NEBL: variants seen among roughly 807,000 people sequenced by gnomAD.
NEBL encodes LIM and SH3 protein 2.
A neutral mutation model predicts 140.2 loss-of-function variants in NEBL; 122 were observed. That is an observed-to-expected ratio of 0.87 (90% CI 0.75 to 1.01). NEBL has a LOEUF of 1.01. Among genes scored for constraint, NEBL ranks in the 50% least tolerant of loss-of-function variants. The probability of loss-of-function intolerance (pLI) is 0.00; values close to 1 mark genes in which losing one functional copy is unlikely to be tolerated. For missense variants in NEBL, 1,365 were observed against 1,231.3 expected (o/e 1.11, Z -1.62); for synonymous variants, 436 against 398.9 (o/e 1.09, Z -1.11).
At chr10:21,005,054 G>A (rs115833259) in intron 3 of NEBL, among the ~76,000 whole-genome samples, 1,844 of 152,276 alleles carry the variant, frequency 0.012, 30 homozygotes, top group African/African-American at 0.042. Context: ...TTACTGGCCT[G>A]AGAGTAACAC....
At chr10:20,808,708 A>C in intron 25 of NEBL, 49 bp from the exon 26 acceptor site, 1 of 1,545,090 alleles carries the variant, frequency 6.5e-7, no homozygotes. Context: ...GACTCGAAAA[A>C]CAAAATCAAC....
intron 3 of NEBL, among the ~76,000 whole-genome samples, chr10:21,019,322 C>G (rs1344092139): frequency 6.6e-6 from 1 of 152,252 alleles, no homozygotes; most frequent in African/African-American, 2.4e-5. Context: ...TGGCCTAAGG[C>G]CACAGCCAAT....
chr10:21,283,723 G>A (rs1028775791), intron 1 of NEBL, among the ~76,000 whole-genome samples: 1 of 152,108 alleles, frequency 6.6e-6, no homozygotes, highest in African/African-American at 2.4e-5. Flanking sequence ...AGTGGGATAG[G>A]TAAAGACTAC....
intron 3 of NEBL, among the ~76,000 whole-genome samples, chr10:21,002,942 T>G (rs1266385718): frequency 1.3e-5 from 2 of 151,122 alleles, no homozygotes; most frequent in African/African-American, 4.9e-5. Flanking sequence ...TAATTTAAAA[T>G]GCCTTAGACT....
intron 3 of NEBL, among the ~76,000 whole-genome samples, chr10:20,978,560 C>T (rs1836898258): frequency 6.6e-6 from 1 of 151,950 alleles, no homozygotes; most frequent in Non-Finnish European, 1.5e-5. Flanking sequence ...AGTTCGAGAA[C>T]AGCCTGTGCA....
intron 1 of NEBL, among the ~76,000 whole-genome samples, chr10:21,292,137 T>C (rs1244307409): frequency 6.6e-6 from 1 of 152,186 alleles, no homozygotes; most frequent in East Asian, 1.9e-4. Flanking sequence ...GAACGTGGTT[T>C]CTTTTTCTCT....
intron 11 of NEBL, among the ~76,000 whole-genome samples, chr10:20,848,767 T>G (rs1037291023): frequency 2.0e-5 from 3 of 152,132 alleles, no homozygotes; most frequent in Non-Finnish European, 4.4e-5. Flanking sequence ...TTGTCTTCCA[T>G]GAAACCCATC....
chr10:21,109,419 T>G (rs576703415), intron 2 of NEBL, among the ~76,000 whole-genome samples: 2 of 152,198 alleles, frequency 1.3e-5, no homozygotes, highest in African/African-American at 2.4e-5. Context: ...TATTGAGGAT[T>G]TTCGCATCAA....
intron 4 of NEBL, among the ~76,000 whole-genome samples, chr10:20,931,717 T>C (rs1834195081): frequency 6.6e-6 from 1 of 152,082 alleles, no homozygotes; most frequent in Non-Finnish European, 1.5e-5. Context: ...GACGAGGGTC[T>C]CAACAGTGAC....
At chr10:21,081,745 G>A (rs962090154) in intron 2 of NEBL, among the ~76,000 whole-genome samples, 3 of 152,144 alleles carry the variant, frequency 2.0e-5, no homozygotes, top group African/African-American at 4.8e-5. Context: ...CATCTCTACT[G>A]TGCCAGAAAG....
At chr10:21,149,587 G>A (rs1347958981) in intron 2 of NEBL, among the ~76,000 whole-genome samples, 4 of 152,296 alleles carry the variant, frequency 2.6e-5, no homozygotes, top group Admixed American at 6.5e-5. Context: ...CATCGCGCCC[G>A]ACCTGTAAGT....
At chr10:21,043,363 G>T (rs1021496858) in intron 2 of NEBL, among the ~76,000 whole-genome samples, 3 of 152,162 alleles carry the variant, frequency 2.0e-5, no homozygotes, top group Non-Finnish European at 4.4e-5. Flanking sequence ...TTGAAAGCCT[G>T]CAATCTTACA....
At chr10:21,105,713 C>A (rs1837686635) in intron 2 of NEBL, among the ~76,000 whole-genome samples, 1 of 152,090 alleles carries the variant, frequency 6.6e-6, no homozygotes, top group Admixed American at 6.6e-5. Context: ...ATAAGGGGAT[C>A]ACTGGGTCAA....
chr10:20,995,017 A>T (rs1466344769), intron 3 of NEBL, among the ~76,000 whole-genome samples: 1 of 152,208 alleles, frequency 6.6e-6, no homozygotes, highest in Non-Finnish European at 1.5e-5. Flanking sequence ...TACAAAAGTA[A>T]CTAAAAATGC....
chr10:21,055,609 G>A (rs779230857), intron 2 of NEBL, among the ~76,000 whole-genome samples: 4 of 152,090 alleles, frequency 2.6e-5, no homozygotes, highest in Non-Finnish European at 4.4e-5. Context: ...TCTGTGTCTC[G>A]GTTCTGTCAT....
chr10:21,044,141 A>G (rs983887382), intron 2 of NEBL, among the ~76,000 whole-genome samples: 1 of 152,172 alleles, frequency 6.6e-6, no homozygotes, highest in Admixed American at 6.5e-5. Context: ...TCACGCCTGT[A>G]ATCCCAACAA....
chr10:21,265,285 C>G (rs1352599282), intron 1 of NEBL, among the ~76,000 whole-genome samples: 1 of 152,100 alleles, frequency 6.6e-6, no homozygotes, highest in African/African-American at 2.4e-5. Context: ...TTCCCAAAGG[C>G]CCCACCTCTT....
chr10:20,862,862 C>CT (rs1291764072), intron 7 of NEBL, among the ~76,000 whole-genome samples: 1 of 151,576 alleles, frequency 6.6e-6, no homozygotes, highest in African/African-American at 2.4e-5. Context: ...TATTTATCAC[C>CT]TTTTTTTATT....
intron 26 of NEBL, among the ~76,000 whole-genome samples, chr10:20,797,667 C>T (rs1235451373): frequency 2.6e-5 from 4 of 151,970 alleles, no homozygotes; most frequent in Non-Finnish European, 5.9e-5. Flanking sequence ...AGATTCCCTG[C>T]CAGGTAGGGA....
Sources: gnomAD v4.1 joint callset for allele counts (sites outside exome capture counted in the v4.1 genomes callset) on GRCh38, gnomAD v4.1.1 for gene constraint, MANE v1.5 for transcripts, NCBI Gene and HGNC (gene_info 2026-07-23, HGNC 2026-07-21) for gene names.